Variants in IMMP2L observed in about 807,000 individuals in gnomAD.
The protein encoded by IMMP2L is mitochondrial inner membrane protease subunit 2.
In IMMP2L, 18 loss-of-function variants were observed where a neutral mutation model predicts 19.3. The observed-to-expected ratio is 0.93, with a 90% CI of 0.64 to 1.38. The LOEUF (loss-of-function observed/expected upper bound fraction) is 1.38, where lower values mean the gene tolerates loss of function less well. Among genes scored for constraint, IMMP2L ranks in the 40% most tolerant of loss-of-function variants. IMMP2L has a pLI of 0.00. For synonymous variants in IMMP2L, 76 were observed against 73.0 expected (o/e 1.04, Z -0.21); for missense variants, 233 against 218.2 (o/e 1.07, Z -0.43).
intron 3 of IMMP2L, among the ~76,000 whole-genome samples, chr7:111,037,862 T>G (rs1791500394): frequency 1.3e-5 from 2 of 152,074 alleles, no homozygotes; most frequent in African/African-American, 4.8e-5. Context: ...GATGAAGAGA[T>G]GGTAAAGTTC....
intron 3 of IMMP2L, among the ~76,000 whole-genome samples, chr7:111,134,951 C>A (rs1423246309): frequency 6.6e-6 from 1 of 151,996 alleles, no homozygotes; most frequent in East Asian, 1.9e-4. Context: ...GGCCAGGTAG[C>A]CTCTTAAACA....
intron 3 of IMMP2L, among the ~76,000 whole-genome samples, chr7:111,185,406 T>C (rs1237034889): frequency 6.6e-6 from 1 of 152,100 alleles, no homozygotes; most frequent in African/African-American, 2.4e-5. Flanking sequence ...AATATGTTCA[T>C]TGCATTTAGA....
chr7:110,744,527 C>T (rs1053372229), intron 5 of IMMP2L, among the ~76,000 whole-genome samples: 49 of 152,262 alleles, frequency 3.2e-4, no homozygotes, highest in Admixed American at 3.3e-4. Flanking sequence ...GGTGCCCCTC[C>T]GGGTTGAAGC....
In IMMP2L at chr7:111,364,864, G is replaced by T. The variant is rs867246643; in HGVS notation, c.239+122374C>A. 4.0e-5 allele frequency among the ~76,000 whole-genome samples: 6 copies of T among 151,524 alleles called. No individual in the cohort carries two copies. In the South Asian group the frequency reaches 8.3e-4, roughly 21 times the overall value. On this transcript the variant is annotated intron_variant, in intron 3 of 5. Coordinates refer to ENST00000405709, the MANE Select transcript of IMMP2L (RefSeq NM_032549.4). ...CAGGCGCTGTAATCCCAGCTACCAG[G>T]GAGGCTGAGGCAGGAGAATCGCTTG...
intron 3 of IMMP2L, among the ~76,000 whole-genome samples, chr7:111,454,117 CT>C (rs559589417): frequency 1.3e-5 from 2 of 152,022 alleles, no homozygotes; most frequent in South Asian, 4.1e-4. Flanking sequence ...AAACTTTGGA[CT>C]TTTTGAGGGT....
chr7:110,787,967 C>G lies in IMMP2L; in HGVS notation c.408+98626G>C, dbSNP rs982423593. 5.9e-5 allele frequency among the ~76,000 whole-genome samples: 9 copies of G among 152,034 alleles called. No homozygotes were observed. The South Asian group carries it at 1.7e-3, about 28-fold the overall frequency. On this transcript the variant is annotated intron_variant, in intron 5 of 5. Coordinates refer to ENST00000405709, the MANE Select transcript of IMMP2L (RefSeq NM_032549.4). Reference sequence around the variant, plus strand: ...ATATGAGGAAAGGGAGGGAACCCAGCATACATCATTTACACTGCATGCCTT... The same window carrying G: ...ATATGAGGAAAGGGAGGGAACCCAGGATACATCATTTACACTGCATGCCTT...
chr7:111,350,789 T>A (rs1343171178), intron 3 of IMMP2L, among the ~76,000 whole-genome samples: 4 of 152,144 alleles, frequency 2.6e-5, no homozygotes, highest in Non-Finnish European at 4.4e-5. Flanking sequence ...GACTTTGACC[T>A]CTCATCTTTT....
intron 4 of IMMP2L, among the ~76,000 whole-genome samples, chr7:110,949,869 A>G (rs1323102365): frequency 5.3e-5 from 8 of 152,162 alleles, no homozygotes; most frequent in Non-Finnish European, 1.2e-4. Context: ...TTTTAAAAGT[A>G]TTTACACTAG....
intron 3 of IMMP2L, among the ~76,000 whole-genome samples, chr7:111,405,185 G>C (rs973876645): frequency 5.3e-5 from 8 of 151,944 alleles, no homozygotes; most frequent in Admixed American, 6.6e-5. Flanking sequence ...ATGTGCAATG[G>C]TGTACTTTTA....
chr7:111,375,265 C>T (rs979836127), intron 3 of IMMP2L, among the ~76,000 whole-genome samples: 1 of 151,818 alleles, frequency 6.6e-6, no homozygotes, highest in Non-Finnish European at 1.5e-5. Flanking sequence ...GAAAAGCCAT[C>T]TAAAGTAATA....
At chr7:111,501,955 C>G (rs1844312801) in intron 2 of IMMP2L, among the ~76,000 whole-genome samples, 1 of 152,076 alleles carries the variant, frequency 6.6e-6, no homozygotes, top group Non-Finnish European at 1.5e-5. Flanking sequence ...ATGACAGGAC[C>G]AAATTCACAC....
chr7:110,913,543 C>T (rs1002261957), intron 4 of IMMP2L, among the ~76,000 whole-genome samples: 6 of 152,006 alleles, frequency 3.9e-5, no homozygotes, highest in African/African-American at 1.4e-4. Context: ...GATACACAGA[C>T]GAGCAACAGG....
At chr7:110,688,529 C>G (rs545662716) in intron 5 of IMMP2L, among the ~76,000 whole-genome samples, 46 of 151,882 alleles carry the variant, frequency 3.0e-4, no homozygotes, top group Middle Eastern at 3.4e-3. Flanking sequence ...AGTCAAGCCT[C>G]CACCACAAAC....
At chr7:110,692,524 TG>T (rs1793593803) in intron 5 of IMMP2L, among the ~76,000 whole-genome samples, 1 of 151,896 alleles carries the variant, frequency 6.6e-6, no homozygotes, top group African/African-American at 2.4e-5. Context: ...TTGGTAAAAA[TG>T]GGCTCTGCTA....
chr7:110,948,476 A>G (rs1290862598), intron 4 of IMMP2L, among the ~76,000 whole-genome samples: 1 of 152,224 alleles, frequency 6.6e-6, no homozygotes, highest in Non-Finnish European at 1.5e-5. Flanking sequence ...TAAAATAGCC[A>G]CCAAAACATA....
intron 3 of IMMP2L, among the ~76,000 whole-genome samples, chr7:111,013,864 C>A (rs2129564174): frequency 6.6e-6 from 1 of 151,804 alleles, no homozygotes; most frequent in South Asian, 2.1e-4. Flanking sequence ...TGGTTTACCA[C>A]CTCATATAGC....
At chr7:110,970,179 A>G (rs1819993329) in intron 3 of IMMP2L, among the ~76,000 whole-genome samples, 1 of 152,156 alleles carries the variant, frequency 6.6e-6, no homozygotes, top group South Asian at 2.1e-4. Flanking sequence ...AGAGCTGTGT[A>G]ATTGAGTATT....
At chr7:111,402,123 AAATAATAATAATAAT>A (rs59071691) in intron 3 of IMMP2L, among the ~76,000 whole-genome samples, 2,184 of 137,332 alleles carry the variant, frequency 0.016, 50 homozygotes, top group East Asian at 0.04. Flanking sequence ...CCCATCTCAA[AAATAATAATAATAAT>A]AATAATAATA....
chr7:111,045,732 C>G (rs1056149991), intron 3 of IMMP2L, among the ~76,000 whole-genome samples: 1 of 152,180 alleles, frequency 6.6e-6, no homozygotes, highest in African/African-American at 2.4e-5. Context: ...GGCAGGAAAA[C>G]TAATTCTCCC....
Sources: gnomAD v4.1 joint callset for allele counts (sites outside exome capture counted in the v4.1 genomes callset) on GRCh38, gnomAD v4.1.1 for gene constraint, MANE v1.5 for transcripts, NCBI Gene and HGNC (gene_info 2026-07-23, HGNC 2026-07-21) for gene names.